Variants in NAALAD2 observed in about 807,000 individuals in gnomAD.
The protein encoded by NAALAD2 is N-acetylated-alpha-linked acidic dipeptidase 2.
A neutral mutation model predicts 95.6 loss-of-function variants in NAALAD2; 89 were observed. The ratio of observed to expected loss-of-function variants is 0.93; its 90% CI spans 0.78 to 1.11. The LOEUF is 1.11. Ranked by LOEUF, NAALAD2 falls within the 50% of genes least tolerant of loss-of-function variation. The probability of loss-of-function intolerance (pLI) is 0.00; values close to 1 mark genes in which losing one functional copy is unlikely to be tolerated. For missense variants in NAALAD2, 894 were observed against 872.4 expected (o/e 1.02, Z -0.31); for synonymous variants, 264 against 294.4 (o/e 0.90, Z 1.06).
intron 8 of NAALAD2, among the ~76,000 whole-genome samples, chr11:90,161,582 A>G (rs1590991020): frequency 6.6e-6 from 1 of 152,176 alleles, no homozygotes; most frequent in East Asian, 1.9e-4. Context: ...ATAAGTTTGA[A>G]GTAATAATAG....
chr11:90,140,892 G>T (rs536241083), intron 2 of NAALAD2, among the ~76,000 whole-genome samples: 83 of 152,148 alleles, frequency 5.5e-4, no homozygotes, highest in African/African-American at 1.9e-3. Flanking sequence ...GTGCATAAAG[G>T]TGTAAGGTTT....
rs746691955 is a variant in NAALAD2 at position 90,181,717 on chromosome 11, CTT to C, written c.1940+24_1940+25del. The C allele has an allele frequency of 4.3e-6, 6 of 1,384,082 alleles. No homozygotes were observed. The highest frequency in any genetic ancestry group is 2.6e-5 in the South Asian group (2 of 77,614). The allele number at this position is 1,384,082 out of a possible 1,614,324, so 85.7% of individuals were successfully genotyped here. On this transcript the variant is annotated intron_variant, in intron 17 of 18. Coordinates refer to ENST00000534061, the MANE Select transcript of NAALAD2 (RefSeq NM_005467.4). ...ATCTTAACAAGTAAGTTTCAAATCCCTTTTTTTTTAAAAAAAAAAAAAAAAGC... is the reference window on the plus strand; with the variant it reads ...ATCTTAACAAGTAAGTTTCAAATCCCTTTTTTTAAAAAAAAAAAAAAAAGC...
At chr11:90,138,055 A>T (rs1184003900) in intron 2 of NAALAD2, among the ~76,000 whole-genome samples, 1 of 152,144 alleles carries the variant, frequency 6.6e-6, no homozygotes, top group African/African-American at 2.4e-5. Flanking sequence ...TAATTCCCCC[A>T]AAACTTAACT....
chr11:90,159,433 C>T, intron 8 of NAALAD2, 96 bp downstream of exon 8: 1 of 830,224 alleles, frequency 1.2e-6, no homozygotes, highest in South Asian at 1.7e-5. Flanking sequence ...TTGCTTATCT[C>T]TTTTTCTCTT....
At chr11:90,132,989 G>A (rs1293450357), upstream of NAALAD2, among the ~76,000 whole-genome samples, 1 of 152,200 alleles carries the variant, frequency 6.6e-6, no homozygotes, top group East Asian at 1.9e-4. Flanking sequence ...TTAAGTACCA[G>A]GTATGCTACA....
At chr11:90,144,740 T>TTAAAAAAAAAA in intron 2 of NAALAD2, among the ~76,000 whole-genome samples, 1 of 90,914 alleles carries the variant, frequency 1.1e-5, no homozygotes, top group African/African-American at 4.9e-5. Flanking sequence ...AAAACTCCAT[T>TTAAAAAAAAAA]AAAAAAAAAA....
chr11:90,163,428 A>G lies in NAALAD2; in HGVS notation c.1194A>G (p.Lys398=), dbSNP rs1007701254. ...IARSFGKLMS[K]GWRPRRTIIF... is the part of the protein sequence containing the mutation. ...GGAGTTTTGGAAAACTGATGAGTAAAGGTAAACAACCTTTCTTTCCTAGGT... is the reference window on the plus strand; with the variant it reads ...GGAGTTTTGGAAAACTGATGAGTAAGGGTAAACAACCTTTCTTTCCTAGGT... The change falls in exon 10 of 19, where the codon AAA becomes AAG. Residue 398 remains lysine, a splice_region_variant and synonymous_variant. Transcript: ENST00000534061. 1 of 1,613,860 alleles carries G rather than the reference A, an allele frequency of 6.2e-7. No individual in the cohort carries two copies. Among genetic ancestry groups the G allele is most frequent in the Non-Finnish European group, 8.5e-7 (1 of 1,179,918 alleles).
At chr11:90,135,766 C>T in intron 2 of NAALAD2, 96 bp downstream of exon 2, 21 of 875,030 alleles carry the variant, frequency 2.4e-5, no homozygotes, top group South Asian at 1.1e-4. Flanking sequence ...GGACAGTCTT[C>T]TCTGTGTGAA....
chr11:90,166,662 C>A (rs939834766), intron 11 of NAALAD2, among the ~76,000 whole-genome samples: 1 of 151,896 alleles, frequency 6.6e-6, no homozygotes, highest in Admixed American at 6.6e-5. Flanking sequence ...GGTGAAACCC[C>A]ACCTCTACTA....
intron 4 of NAALAD2, among the ~76,000 whole-genome samples, chr11:90,149,390 C>T (rs927609802): frequency 6.6e-6 from 1 of 152,164 alleles, no homozygotes; most frequent in Non-Finnish European, 1.5e-5. Context: ...ACATGCCTTT[C>T]AGTGAGGCAG....
chr11:90,163,041 C>A lies in NAALAD2; in HGVS notation c.1075+7C>A. 2.0e-6 allele frequency: 3 copies of A among 1,523,872 alleles called. No individual in the cohort carries two copies. In the South Asian group the frequency reaches 3.8e-5, roughly 19 times the overall value. The allele number at this position is 1,523,872 out of a possible 1,614,324, so 94.4% of individuals were successfully genotyped here. A position where few individuals can be genotyped will look rare whatever the true frequency, so the allele number is the denominator to read the frequency against. ...AGAGGATCTGTGGAACCTGGTGAGT[C>A]ACATAATTTTTTAAAACATTTTGTT... On this transcript the variant is annotated splice_region_variant and intron_variant, in intron 9 of 18. Transcript: ENST00000534061.
Position 90,173,810 on chromosome 11 carries a change from A to G in NAALAD2, c.1411-14A>G. 1 of 1,594,740 alleles carries G rather than the reference A, an allele frequency of 6.3e-7. No homozygotes were observed. Among genetic ancestry groups the G allele is most frequent in the Non-Finnish European group, 8.5e-7 (1 of 1,171,856 alleles). Reference sequence around the variant, plus strand: ...TTCTACCCCTAATTTCCAGTATTTGATTTCTCTTTCCAGATCCCCAGCCCT... The same window carrying G: ...TTCTACCCCTAATTTCCAGTATTTGGTTTCTCTTTCCAGATCCCCAGCCCT... On this transcript the variant is annotated splice_polypyrimidine_tract_variant and intron_variant, in intron 13 of 18. Transcript: ENST00000534061.
chr11:90,181,831 A>G (rs1952982674), intron 17 of NAALAD2, 130 bp downstream of exon 17: 4 of 614,284 alleles, frequency 6.5e-6, no homozygotes, highest in Non-Finnish European at 1.1e-5. Context: ...GCAAATCAGC[A>G]ATAGCAGTAG....
At chr11:90,179,599 A>T (rs1397774331) in intron 16 of NAALAD2, among the ~76,000 whole-genome samples, 2 of 152,194 alleles carry the variant, frequency 1.3e-5, no homozygotes, top group Non-Finnish European at 2.9e-5. Context: ...CTCTGCAGTG[A>T]TGGGGGAAAT....
At chr11:90,180,529 G>C (rs1176246780) in intron 16 of NAALAD2, among the ~76,000 whole-genome samples, 2 of 151,962 alleles carry the variant, frequency 1.3e-5, no homozygotes, top group East Asian at 3.9e-4. Context: ...AGACCTAATA[G>C]AAATTAGGTA....
chr11:90,163,223 C>A (rs1243017060), intron 9 of NAALAD2, 87 bp from the exon 10 acceptor site: 8 of 1,413,328 alleles, frequency 5.7e-6, no homozygotes, highest in Non-Finnish European at 6.8e-6. Flanking sequence ...GAAACTCAAG[C>A]AAGAGGATGT....
At chr11:90,173,424 CA>C (rs1182029137) in intron 13 of NAALAD2, among the ~76,000 whole-genome samples, 1 of 152,082 alleles carries the variant, frequency 6.6e-6, no homozygotes, top group Non-Finnish European at 1.5e-5. Flanking sequence ...TCTTATTAGG[CA>C]AAAATAATTT....
chr11:90,188,336 A>G (rs1458296455), intron 18 of NAALAD2, among the ~76,000 whole-genome samples: 1 of 152,254 alleles, frequency 6.6e-6, no homozygotes, highest in African/African-American at 2.4e-5. Context: ...TGGAACATAT[A>G]AAACATTCTT....
chr11:90,181,716 C>G lies in NAALAD2; in HGVS notation c.1940+15C>G. 1.4e-6 allele frequency: 2 copies of G among 1,441,764 alleles called. No individual in the cohort carries two copies. The highest frequency in any genetic ancestry group is 1.9e-6 in the Non-Finnish European group (2 of 1,073,414). The allele number at this position is 1,441,764 out of a possible 1,614,324, so 89.3% of individuals were successfully genotyped here. ...GATCTTAACAAGTAAGTTTCAAATC[C>G]CTTTTTTTTTAAAAAAAAAAAAAAA... is the stretch of plus-strand genomic sequence containing the variant. On this transcript the variant is annotated intron_variant, in intron 17 of 18. Coordinates refer to ENST00000534061, the MANE Select transcript of NAALAD2 (RefSeq NM_005467.4).
Sources: gnomAD v4.1 joint callset for allele counts (sites outside exome capture counted in the v4.1 genomes callset) on GRCh38, gnomAD v4.1.1 for gene constraint, MANE v1.5 for transcripts, NCBI Gene and HGNC (gene_info 2026-07-23, HGNC 2026-07-21) for gene names.